ROBO1: variants seen among roughly 807,000 people sequenced by gnomAD.
ROBO1 encodes roundabout homolog 1.
A neutral mutation model predicts 195.9 loss-of-function variants in ROBO1; 149 were observed. That is an observed-to-expected ratio of 0.76 (90% CI 0.67 to 0.87). ROBO1 has a LOEUF of 0.87. ROBO1 is among the 40% of genes least tolerant of loss of function. ROBO1 has a pLI of 0.00. For missense variants in ROBO1, 1,933 were observed against 2,068.3 expected (o/e 0.93, Z 1.27); for synonymous variants, 816 against 733.2 (o/e 1.11, Z -1.82).
intron 4 of ROBO1, among the ~76,000 whole-genome samples, chr3:78,932,032 G>A (rs1317634781): frequency 6.6e-6 from 1 of 152,066 alleles, no homozygotes; most frequent in Non-Finnish European, 1.5e-5. Context: ...AAACTCTACG[G>A]TATTAATTAA....
chr3:79,398,707 A>G (rs1054096579), intron 2 of ROBO1, among the ~76,000 whole-genome samples: 3 of 152,144 alleles, frequency 2.0e-5, no homozygotes, highest in African/African-American at 7.2e-5. Flanking sequence ...TCTACCAACT[A>G]AATGTTGGTG....
At chr3:79,517,336 A>C (rs79092661) in intron 2 of ROBO1, among the ~76,000 whole-genome samples, 5,510 of 152,210 alleles carry the variant, frequency 0.036, 354 homozygotes, top group African/African-American at 0.13. Context: ...AACAGTCGAC[A>C]CTGACCATCA....
chr3:79,615,945 A>T (rs1437123053), intron 1 of ROBO1, among the ~76,000 whole-genome samples: 1 of 152,194 alleles, frequency 6.6e-6, no homozygotes, highest in East Asian at 1.9e-4. Flanking sequence ...GGCCCAAGGG[A>T]AAAACTGAAT....
chr3:78,818,642 A>G (rs1385153906), intron 4 of ROBO1, among the ~76,000 whole-genome samples: 1 of 152,210 alleles, frequency 6.6e-6, no homozygotes, highest in Non-Finnish European at 1.5e-5. Context: ...GCCATCTTGA[A>G]GCATTCTTGC....
chr3:79,372,089 T>C (rs183452211), intron 2 of ROBO1, among the ~76,000 whole-genome samples: 10 of 152,220 alleles, frequency 6.6e-5, no homozygotes, highest in African/African-American at 2.2e-4. Flanking sequence ...CAGTGGGTAA[T>C]GCTGATTCAC....
At chr3:78,705,874 T>A (rs1388388810) in intron 8 of ROBO1, among the ~76,000 whole-genome samples, 1 of 152,144 alleles carries the variant, frequency 6.6e-6, no homozygotes, top group East Asian at 1.9e-4. Context: ...TTCTTCACCT[T>A]GTAGATGGCA....
chr3:79,459,199 A>G (rs2039718446), intron 2 of ROBO1, among the ~76,000 whole-genome samples: 1 of 152,092 alleles, frequency 6.6e-6, no homozygotes, highest in Non-Finnish European at 1.5e-5. Context: ...TTCCTCTAAA[A>G]ATTCCTTCCT....
At chr3:79,739,408 C>A (rs1703528973) in intron 1 of ROBO1, among the ~76,000 whole-genome samples, 1 of 152,136 alleles carries the variant, frequency 6.6e-6, no homozygotes, top group African/African-American at 2.4e-5. Flanking sequence ...TTTGTATACT[C>A]TCCATCTGCC....
At chr3:79,690,343 G>A (rs1947263299) in intron 1 of ROBO1, among the ~76,000 whole-genome samples, 1 of 152,014 alleles carries the variant, frequency 6.6e-6, no homozygotes, top group Non-Finnish European at 1.5e-5. Flanking sequence ...AGAGAGATGT[G>A]AAGAGTGATG....
rs557531476 is a variant in ROBO1 at position 79,352,655 on chromosome 3, CTG to C, written c.89-227118_89-227117del. 1.3e-4 allele frequency among the ~76,000 whole-genome samples: 20 copies of C among 152,300 alleles called. No homozygotes were observed. In the South Asian group the frequency reaches 3.9e-3, roughly 30 times the overall value. On this transcript the variant is annotated intron_variant, in intron 2 of 30. Transcript: ENST00000464233. ...GTGCCTTCCCCTTTCTACTCACACT[CTG>C]TTCCCTCCACCCAGCCGCCTTCTTT... is the stretch of plus-strand genomic sequence containing the variant.
intron 2 of ROBO1, among the ~76,000 whole-genome samples, chr3:79,172,154 T>C (rs1021429399): frequency 6.6e-6 from 1 of 152,126 alleles, no homozygotes; most frequent in African/African-American, 2.4e-5. Flanking sequence ...CTCCCTCTAA[T>C]CACTTTGATG....
chr3:78,597,832 T>C lies in ROBO1; in HGVS notation c.*1081A>G, dbSNP rs1057503667. On this transcript the variant is annotated 3_prime_UTR_variant, in exon 31 of 31. Transcript: ENST00000464233. ...TATTCAAATATTCCAAATACAAACA[T>C]AGAGCATTAACAAAACAGGTTAAAA... The C allele has an allele frequency of 1.3e-5, 2 of 151,270 alleles. No individual in the cohort carries two copies. The highest frequency in any genetic ancestry group is 2.4e-5 in the African/African-American group (1 of 40,994). The allele number at this position is 151,270 out of a possible 1,614,324, so 9.4% of individuals were successfully genotyped here.
intron 1 of ROBO1, among the ~76,000 whole-genome samples, chr3:79,612,065 C>T (rs1223417939): frequency 6.6e-6 from 1 of 150,984 alleles, no homozygotes; most frequent in South Asian, 2.1e-4. Flanking sequence ...TTATAGGGTA[C>T]ATGTGCACAT....
intron 4 of ROBO1, among the ~76,000 whole-genome samples, chr3:78,772,710 C>T (rs1170063887): frequency 6.6e-6 from 1 of 152,054 alleles, no homozygotes; most frequent in African/African-American, 2.4e-5. Flanking sequence ...TATGAGTCTA[C>T]TTCTCAGGCC....
At chr3:78,670,324 A>G (rs778289968) in intron 10 of ROBO1, 23 bp from the exon 11 acceptor site, 1 of 1,547,036 alleles carries the variant, frequency 6.5e-7, no homozygotes, top group South Asian at 1.2e-5. Context: ...ACAACAGGAA[A>G]TAGATTTCTG....
At chr3:79,491,013 T>C (rs1389109404) in intron 2 of ROBO1, among the ~76,000 whole-genome samples, 1 of 152,124 alleles carries the variant, frequency 6.6e-6, no homozygotes, top group Admixed American at 6.5e-5. Flanking sequence ...AGTGTCTCTA[T>C]GGTAAATTTA....
At chr3:79,613,072 G>T (rs1396672640) in intron 1 of ROBO1, among the ~76,000 whole-genome samples, 2 of 151,866 alleles carry the variant, frequency 1.3e-5, no homozygotes, top group Non-Finnish European at 2.9e-5. Flanking sequence ...AACAAAAAAT[G>T]CATGTCCTTA....
intron 2 of ROBO1, among the ~76,000 whole-genome samples, chr3:79,492,300 C>T (rs1939502164): frequency 6.6e-6 from 1 of 151,844 alleles, no homozygotes; most frequent in Non-Finnish European, 1.5e-5. Context: ...TGGCTGGTGC[C>T]TGTAATCCTA....
At chr3:79,157,513 C>A (rs866241675) in intron 2 of ROBO1, among the ~76,000 whole-genome samples, 1 of 151,986 alleles carries the variant, frequency 6.6e-6, no homozygotes. Context: ...TAGCTTCTGC[C>A]ATCAGCAGTT....
Sources: gnomAD v4.1 joint callset for allele counts (sites outside exome capture counted in the v4.1 genomes callset) on GRCh38, gnomAD v4.1.1 for gene constraint, MANE v1.5 for transcripts, NCBI Gene and HGNC (gene_info 2026-07-23, HGNC 2026-07-21) for gene names.